The following ZC3H18 variants were observed in gnomAD, a reference collection of about 807,000 sequenced individuals.
ZC3H18 encodes zinc finger CCCH-type containing 18, also known as zinc finger CCCH domain-containing protein 18.
Under a neutral mutation model 106.1 loss-of-function variants are expected in ZC3H18, and 8 were observed. That is an observed-to-expected ratio of 0.08 (90% CI 0.04 to 0.14). The LOEUF (loss-of-function observed/expected upper bound fraction) is 0.14. ZC3H18 is among the 10% of genes least tolerant of loss of function. The pLI, the probability that ZC3H18 is intolerant of heterozygous loss-of-function variation, is 1.00. For missense variants in ZC3H18, 1,318 were observed against 1,278.4 expected (o/e 1.03, Z -0.47); for synonymous variants, 635 against 522.1 (o/e 1.22, Z -2.95).
At chr16:88,623,887 G>A in intron 10 of ZC3H18, 71 bp from the exon 11 acceptor site, 1 of 1,533,902 alleles carries the variant, frequency 6.5e-7, no homozygotes. Flanking sequence ...GTCTGGGTGG[G>A]TCCTCAGTGG....
At position 88,611,324 on chromosome 16, in the gene ZC3H18, G is replaced by GGAGCGGGACCGA. The variant is rs764951668; in HGVS notation, c.1272_1283dup (p.Asp424_Arg427dup). On this transcript the variant is annotated inframe_insertion, in exon 8 of 18. Coordinates refer to ENST00000301011, the MANE Select transcript of ZC3H18 (RefSeq NM_144604.4). ...GACAGCGCGAGCGCGAGCGGGAGCG[G>GGAGCGGGACCGA]GAGCGGGACCGAGAGCGGGAGCGCC... 6.5e-6 allele frequency: 5 copies of GGAGCGGGACCGA among 763,690 alleles called. No individual in the cohort carries two copies. The highest frequency in any genetic ancestry group is 2.6e-5 in the East Asian group (1 of 38,064). 47.3% of individuals were successfully genotyped at this position (763,690 alleles called of 1,614,324 possible). A position where few individuals can be genotyped will look rare whatever the true frequency, so the allele number is the denominator to read the frequency against.
At position 88,627,022 on chromosome 16, in the gene ZC3H18, T is replaced by A. The variant is rs1597361334; in HGVS notation, c.2109-600T>A. 1 of 152,368 alleles carries A rather than the reference T, an allele frequency of 6.6e-6. No homozygotes were observed. Among genetic ancestry groups the A allele is most frequent in the East Asian group, 1.9e-4 (1 of 5,202 alleles). 9.4% of individuals were successfully genotyped at this position (152,368 alleles called of 1,614,324 possible). ...AAATTCCATCCTTGCCGCTGTTGAG[T>A]CAGCTCAGTCCTGTTTCCCTTCCCA... On this transcript the variant is annotated intron_variant, in intron 13 of 17. Coordinates refer to ENST00000301011, the MANE Select transcript of ZC3H18 (RefSeq NM_144604.4). This position sits in a 1 kb window ranked among gnomAD's most constrained non-coding sequence, Gnocchi z 4.5.
chr16:88,621,255 C>G (rs559173973), intron 8 of ZC3H18, among the ~76,000 whole-genome samples: 46 of 147,454 alleles, frequency 3.1e-4, no homozygotes, highest in African/African-American at 1.1e-3. Flanking sequence ...GACAGAGTCT[C>G]GCTCTGTCGC....
chr16:88,610,672 G>C (rs1209536005), intron 7 of ZC3H18, among the ~76,000 whole-genome samples: 1 of 152,248 alleles, frequency 6.6e-6, no homozygotes, highest in Admixed American at 6.5e-5. Flanking sequence ...TAGAGCAAAT[G>C]AATGAGTAAG....
At chr16:88,583,011 AC>A (rs1197726489) in intron 2 of ZC3H18, among the ~76,000 whole-genome samples, 1 of 152,194 alleles carries the variant, frequency 6.6e-6, no homozygotes, top group Admixed American at 6.5e-5. Context: ...CCGTATTTTC[AC>A]CCACATCCTG....
At chr16:88,616,473 C>A (rs1905612707) in intron 8 of ZC3H18, among the ~76,000 whole-genome samples, 1 of 152,208 alleles carries the variant, frequency 6.6e-6, no homozygotes, top group Admixed American at 6.5e-5. Flanking sequence ...CTTCCGGGTG[C>A]TGGGGAGTCC....
At chr16:88,622,104 A>C in intron 8 of ZC3H18, 93 bp from the exon 9 acceptor site, 1 of 1,398,460 alleles carries the variant, frequency 7.2e-7, no homozygotes, top group Non-Finnish European at 9.6e-7. Flanking sequence ...TAAGCCAGGT[A>C]TGAGATCCAT....
At chr16:88,623,153 G>A (rs951208447) in intron 9 of ZC3H18, 66 bp from the exon 10 acceptor site, 50 of 1,572,760 alleles carry the variant, frequency 3.2e-5, no homozygotes, top group Middle Eastern at 1.7e-4. Context: ...GCATGTGTGC[G>A]TCAGGGCGTG....
chr16:88,603,868 T>G (rs1904877480), intron 6 of ZC3H18, among the ~76,000 whole-genome samples: 1 of 151,160 alleles, frequency 6.6e-6, no homozygotes, highest in African/African-American at 2.4e-5. Flanking sequence ...CTCCTGACCT[T>G]GTGATCCACC....
In ZC3H18 at chr16:88,623,260, C is replaced by T; in HGVS notation, c.1709C>T (p.Ser570Phe). ...TCGTCCTACTCTGGCTCCGGCTCCT[C>T]CCGGTCGCGATCCCGGTCTTCATCC... ...RSSSYSGSGSSRSRSRSSSYS... is the reference protein window; with the variant it reads ...RSSSYSGSGSFRSRSRSSSYS... Residue 570 changes from serine (S) to phenylalanine (F), a missense_variant, in exon 10 of 18, where the codon TCC (serine) becomes TTC (phenylalanine). Physicochemically the swap from Ser to Phe is radical, Grantham distance 155. Transcript: ENST00000301011. 6.2e-7 allele frequency: 1 copy of T among 1,613,720 alleles called. No individual in the cohort carries two copies. The highest frequency in any genetic ancestry group is 8.5e-7 in the Non-Finnish European group (1 of 1,179,970).
intron 6 of ZC3H18, among the ~76,000 whole-genome samples, chr16:88,602,779 C>T (rs1904813746): frequency 6.6e-6 from 1 of 152,166 alleles, no homozygotes; most frequent in Admixed American, 6.5e-5. Flanking sequence ...TCCTAAGTTG[C>T]TGGGAATATA....
intron 2 of ZC3H18, among the ~76,000 whole-genome samples, chr16:88,580,959 G>A (rs1308266622): frequency 1.3e-5 from 2 of 152,192 alleles, no homozygotes; most frequent in Non-Finnish European, 2.9e-5. Context: ...AGGCCTCATA[G>A]CATTCCAGGT....
intron 16 of ZC3H18, among the ~76,000 whole-genome samples, chr16:88,629,348 C>T (rs766318621): frequency 1.3e-5 from 2 of 152,168 alleles, no homozygotes; most frequent in Admixed American, 6.5e-5. Context: ...TAGTGGCGTG[C>T]GTCTGTAATC....
intron 8 of ZC3H18, among the ~76,000 whole-genome samples, chr16:88,617,739 C>T (rs569443138): frequency 5.9e-5 from 9 of 152,348 alleles, no homozygotes; most frequent in Admixed American, 3.3e-4. Context: ...CTACTCACCC[C>T]GGGCTCTTCA....
intron 1 of ZC3H18, among the ~76,000 whole-genome samples, chr16:88,570,788 G>C (rs2142500722): frequency 6.6e-6 from 1 of 152,186 alleles, no homozygotes; most frequent in Middle Eastern, 3.4e-3. Context: ...CGCGGTCCTG[G>C]GGCGCCCTGG....
At chr16:88,625,331 C>G in intron 13 of ZC3H18, 64 bp downstream of exon 13, 1 of 1,546,464 alleles carries the variant, frequency 6.5e-7, no homozygotes. Context: ...GTCCCAGAAG[C>G]AGCCAGTGTG....
chr16:88,620,114 A>T (rs918784420), intron 8 of ZC3H18, among the ~76,000 whole-genome samples: 1 of 152,226 alleles, frequency 6.6e-6, no homozygotes, highest in African/African-American at 2.4e-5. Context: ...AGCAGATAGC[A>T]GGCATGTTTG....
chr16:88,625,174 C>T (rs1207083875), intron 12 of ZC3H18, 28 bp from the exon 13 acceptor site: 6 of 1,561,042 alleles, frequency 3.8e-6, no homozygotes, highest in Non-Finnish European at 5.2e-6. Context: ...GCCACGCCCC[C>T]TGAGCCCCGC....
intron 2 of ZC3H18, among the ~76,000 whole-genome samples, chr16:88,579,294 G>C (rs1037814425): frequency 5.3e-5 from 8 of 152,174 alleles, no homozygotes; most frequent in African/African-American, 1.9e-4. Flanking sequence ...TGGGGGAGCT[G>C]GTTGGGTTGA....
Sources: allele counts gnomAD v4.1 joint callset (sites outside exome capture counted in the v4.1 genomes callset), GRCh38; gene constraint gnomAD v4.1.1; non-coding constraint Gnocchi (gnomAD v3.1); transcripts MANE v1.5; gene names NCBI Gene and HGNC (gene_info 2026-07-23, HGNC 2026-07-21).